NTM: variants seen among roughly 807,000 people sequenced by gnomAD.
NTM encodes the protein neurotrimin, also known as IgLON family member 2.
A neutral mutation model predicts 42.1 loss-of-function variants in NTM; 13 were observed. The ratio of observed to expected loss-of-function variants is 0.31; its 90% confidence interval spans 0.20 to 0.49. NTM has a LOEUF of 0.49. Ranked by LOEUF, NTM falls within the 20% of genes least tolerant of loss-of-function variation. The pLI is 0.99. For synonymous variants in NTM, 187 were observed against 179.2 expected (o/e 1.04, Z -0.35); for missense variants, 373 against 452.8 (o/e 0.82, Z 1.60).
At chr11:131,625,659 A>G (rs1267541183) in intron 1 of NTM, among the ~76,000 whole-genome samples, 1 of 152,102 alleles carries the variant, frequency 6.6e-6, no homozygotes, top group Non-Finnish European at 1.5e-5. Flanking sequence ...CACTCAAATA[A>G]CCAGCATGCC....
chr11:131,820,331 C>T (rs1052726783), intron 1 of NTM, among the ~76,000 whole-genome samples: 7 of 152,152 alleles, frequency 4.6e-5, no homozygotes, highest in African/African-American at 1.7e-4. Context: ...AGGAGTCCTC[C>T]AAGATTCTGG....
intron 3 of NTM, among the ~76,000 whole-genome samples, chr11:132,180,846 C>A (rs561998254): frequency 2.6e-5 from 4 of 152,002 alleles, no homozygotes; most frequent in African/African-American, 9.7e-5. Context: ...CCATTGTATT[C>A]GCTACTACCA....
At chr11:131,997,138 T>G (rs2068207339) in intron 2 of NTM, among the ~76,000 whole-genome samples, 1 of 152,218 alleles carries the variant, frequency 6.6e-6, no homozygotes, top group Non-Finnish European at 1.5e-5. Flanking sequence ...TTTGATATTC[T>G]CTGAGGTCTA....
At chr11:131,712,395 A>G (rs1392356698) in intron 1 of NTM, among the ~76,000 whole-genome samples, 1 of 152,074 alleles carries the variant, frequency 6.6e-6, no homozygotes. Context: ...TTCTGTGTAT[A>G]TATTTATAGA....
At chr11:132,069,880 C>T (rs1165483979) in intron 2 of NTM, among the ~76,000 whole-genome samples, 2 of 149,166 alleles carry the variant, frequency 1.3e-5, no homozygotes, top group Non-Finnish European at 3.0e-5. Flanking sequence ...TCACACTGAC[C>T]GTCACAGGTT....
intron 1 of NTM, among the ~76,000 whole-genome samples, chr11:131,815,180 TGC>T (rs1257462739): frequency 6.6e-6 from 1 of 152,166 alleles, no homozygotes; most frequent in Non-Finnish European, 1.5e-5. Context: ...CTCATCCCCT[TGC>T]GGCCTATGGC....
intron 1 of NTM, among the ~76,000 whole-genome samples, chr11:131,484,647 T>C (rs757327487): frequency 3.3e-5 from 5 of 152,170 alleles, no homozygotes; most frequent in Non-Finnish European, 5.9e-5. Context: ...GCGTAGACAC[T>C]GCCCCTTTCC....
intron 1 of NTM, among the ~76,000 whole-genome samples, chr11:131,424,877 T>A (rs1442889047): frequency 7.1e-6 from 1 of 141,056 alleles, no homozygotes. Flanking sequence ...CTTTTTTTTT[T>A]TTTATTTTTT....
At chr11:132,142,428 T>C (rs180794214) in intron 2 of NTM, among the ~76,000 whole-genome samples, 1 of 152,292 alleles carries the variant, frequency 6.6e-6, no homozygotes, top group East Asian at 1.9e-4. Flanking sequence ...GAGGACTCGT[T>C]GTCTGAATGT....
intron 1 of NTM, among the ~76,000 whole-genome samples, chr11:131,777,509 T>A (rs117283309): frequency 0.011 from 1,570 of 136,918 alleles, 22 homozygotes; most frequent in Non-Finnish European, 0.018. Context: ...TCTTCTCTAA[T>A]GCTACCATTC....
chr11:132,129,253 A>C (rs2066403262), intron 2 of NTM, among the ~76,000 whole-genome samples: 1 of 152,224 alleles, frequency 6.6e-6, no homozygotes, highest in African/African-American at 2.4e-5. Flanking sequence ...TGTATAGTGC[A>C]TACAGCTGTG....
intron 2 of NTM, among the ~76,000 whole-genome samples, chr11:132,041,771 A>T (rs1229563811): frequency 6.6e-6 from 1 of 152,186 alleles, no homozygotes; most frequent in Non-Finnish European, 1.5e-5. Flanking sequence ...TGGAAGCATA[A>T]GACATGAGGC....
chr11:131,488,587 G>A (rs1954440284), intron 1 of NTM, among the ~76,000 whole-genome samples: 1 of 152,144 alleles, frequency 6.6e-6, no homozygotes, highest in African/African-American at 2.4e-5. Context: ...ACTTCACGAT[G>A]GCAAGTGCAG....
At chr11:131,649,786 T>A (rs1207343007) in intron 1 of NTM, among the ~76,000 whole-genome samples, 2 of 152,194 alleles carry the variant, frequency 1.3e-5, no homozygotes, top group Non-Finnish European at 2.9e-5. Context: ...AATTTTGTGC[T>A]TTTTTTCTTC....
chr11:131,910,003 A>T (rs2054456885), intron 1 of NTM: 1 of 152,218 alleles, frequency 6.6e-6, no homozygotes, highest in South Asian at 2.1e-4. Flanking sequence ...GGGTGTCTGA[A>T]CTTGACCAAC....
At chr11:132,009,108 A>G (rs541985189) in intron 2 of NTM, among the ~76,000 whole-genome samples, 16 of 152,238 alleles carry the variant, frequency 1.1e-4, no homozygotes, top group Middle Eastern at 3.4e-3. Flanking sequence ...ATCAGCCTGG[A>G]AGCTTTACCT....
At chr11:132,058,762 T>C (rs905381041) in intron 2 of NTM, among the ~76,000 whole-genome samples, 1 of 152,196 alleles carries the variant, frequency 6.6e-6, no homozygotes, top group Non-Finnish European at 1.5e-5. Context: ...TTCCAGAACA[T>C]CACGAAACCA....
At chr11:131,447,035 A>AAAT (rs10624987) in intron 1 of NTM, among the ~76,000 whole-genome samples, 103,957 of 151,800 alleles carry the variant, frequency 0.68, 35,780 homozygotes, top group East Asian at 0.92. Context: ...CCAAAGCTGG[A>AAAT]AATTATTTTT....
At chr11:132,175,007 C>A (rs189105752) in intron 3 of NTM, among the ~76,000 whole-genome samples, 8 of 152,076 alleles carry the variant, frequency 5.3e-5, no homozygotes, top group African/African-American at 1.9e-4. Context: ...GAACCCAGGA[C>A]CTTCACTTTC....
Sources: gnomAD v4.1 joint callset for allele counts (sites outside exome capture counted in the v4.1 genomes callset) on GRCh38, gnomAD v4.1.1 for gene constraint, MANE v1.5 for transcripts, NCBI Gene and HGNC (gene_info 2026-07-23, HGNC 2026-07-21) for gene names.